SUDS3: variants seen among roughly 807,000 people sequenced by gnomAD.
SUDS3 encodes sin3 histone deacetylase corepressor complex component SDS3.
In SUDS3, 23 loss-of-function variants were observed where a neutral mutation model predicts 53.5. The observed-to-expected ratio is 0.43, with a 90% confidence interval of 0.31 to 0.61. SUDS3 has a LOEUF of 0.61. SUDS3 is among the 20% of genes least tolerant of loss of function. The pLI, the probability that SUDS3 is intolerant of heterozygous loss-of-function variation, is 0.10. For synonymous variants in SUDS3, 150 were observed against 148.5 expected (o/e 1.01, Z -0.08); for missense variants, 291 against 405.9 (o/e 0.72, Z 2.43).
intron 11 of SUDS3, 149 bp from the exon 12 acceptor site, chr12:118,414,186 T>C: frequency 3.3e-6 from 2 of 611,268 alleles, no homozygotes; most frequent in East Asian, 6.1e-5. Context: ...GGGGTGCTTA[T>C]GAAGCCCTCA....
rs1051828436 is a variant in SUDS3 at position 118,395,839 on chromosome 12, G to A, written c.517+4557G>A. On this transcript the variant is annotated intron_variant, in intron 6 of 11. Coordinates refer to ENST00000543473, the MANE Select transcript of SUDS3 (RefSeq NM_022491.3). Reference sequence around the variant, plus strand: ...CCCGAGTAGCTGGGACTACAGGTGCGTGCCACCATGCCTGACTAATTTTTA... The same window carrying A: ...CCCGAGTAGCTGGGACTACAGGTGCATGCCACCATGCCTGACTAATTTTTA... Among the ~76,000 whole-genome samples the A allele has an allele frequency of 4.6e-5, 7 of 151,844 alleles. No individual in the cohort carries two copies. In the East Asian group the frequency reaches 9.8e-4, roughly 21 times the overall value.
intron 1 of SUDS3, among the ~76,000 whole-genome samples, chr12:118,379,785 C>T (rs968622081): frequency 6.6e-6 from 1 of 152,180 alleles, no homozygotes; most frequent in Non-Finnish European, 1.5e-5. Context: ...GCCTGAGACA[C>T]CCTATTCTGT....
intron 1 of SUDS3, among the ~76,000 whole-genome samples, chr12:118,379,653 T>C (rs1387788481): frequency 6.6e-6 from 1 of 152,214 alleles, no homozygotes; most frequent in Non-Finnish European, 1.5e-5. Flanking sequence ...ACTAGTTTTT[T>C]TCTGGAGCAG....
intron 11 of SUDS3, among the ~76,000 whole-genome samples, chr12:118,413,001 G>C (rs1398586848): frequency 6.6e-6 from 1 of 152,186 alleles, no homozygotes; most frequent in Non-Finnish European, 1.5e-5. Context: ...ACTCCAAGCA[G>C]GTTTGGTGGG....
intron 3 of SUDS3, among the ~76,000 whole-genome samples, chr12:118,384,798 C>G (rs778029981): frequency 4.6e-5 from 7 of 150,806 alleles, no homozygotes; most frequent in African/African-American, 7.3e-5. Flanking sequence ...TGCCACTGCA[C>G]TCCAGCATGG....
At chr12:118,405,100 C>T (rs1378920320) in intron 10 of SUDS3, among the ~76,000 whole-genome samples, 3 of 152,144 alleles carry the variant, frequency 2.0e-5, no homozygotes, top group Non-Finnish European at 2.9e-5. Flanking sequence ...CAGAACACAT[C>T]GCCACTAGGT....
intron 10 of SUDS3, among the ~76,000 whole-genome samples, chr12:118,408,089 C>T (rs566234188): frequency 2.0e-5 from 3 of 152,126 alleles, no homozygotes; most frequent in Non-Finnish European, 2.9e-5. Context: ...TTAGTACAGA[C>T]GGGGTTTCAC....
Position 118,376,596 on chromosome 12 carries a change from T to G in SUDS3, c.-96T>G. The stretch of plus-strand genomic sequence containing the variant: ...TCGCCGTGGCTGCCGGTCCTCGAGT[T>G]GGGGGCTGCCGCGGACACTGCTAGG... On this transcript the variant is annotated 5_prime_UTR_variant, in exon 1 of 12. Transcript: ENST00000543473. 2 of 1,250,986 alleles carry G rather than the reference T, an allele frequency of 1.6e-6. No homozygotes were observed. The highest frequency in any genetic ancestry group is 2.0e-6 in the Non-Finnish European group (2 of 995,722). The allele number at this position is 1,250,986 out of a possible 1,614,324, so 77.5% of individuals were successfully genotyped here.
intron 6 of SUDS3, among the ~76,000 whole-genome samples, chr12:118,394,253 G>C (rs1460747598): frequency 6.6e-6 from 1 of 152,156 alleles, no homozygotes; most frequent in Non-Finnish European, 1.5e-5. Context: ...ATGAGATAAT[G>C]CCTATAAGTT....
intron 2 of SUDS3, among the ~76,000 whole-genome samples, chr12:118,381,409 G>A (rs1016945607): frequency 1.3e-5 from 2 of 151,538 alleles, no homozygotes; most frequent in South Asian, 2.1e-4. Flanking sequence ...TGGAGATGGA[G>A]TGTCGCTTTG....
chr12:118,382,139 G>A (rs1286542452), intron 2 of SUDS3, among the ~76,000 whole-genome samples: 2 of 151,690 alleles, frequency 1.3e-5, no homozygotes, highest in Non-Finnish European at 2.9e-5. Context: ...TCCTGAGTTC[G>A]AGTGATTGTC....
intron 3 of SUDS3, among the ~76,000 whole-genome samples, chr12:118,384,634 A>G (rs889571203): frequency 5.3e-5 from 8 of 152,034 alleles, no homozygotes; most frequent in African/African-American, 1.7e-4. Flanking sequence ...AGATCGAGAC[A>G]ATCTTGGCTA....
At chr12:118,392,383 C>T (rs999594783) in intron 6 of SUDS3, among the ~76,000 whole-genome samples, 10 of 152,288 alleles carry the variant, frequency 6.6e-5, no homozygotes, top group African/African-American at 2.2e-4. Flanking sequence ...TGGCTCCAAT[C>T]CTCATGATAC....
chr12:118,384,591 G>A (rs1192202097), intron 3 of SUDS3, among the ~76,000 whole-genome samples: 2 of 152,178 alleles, frequency 1.3e-5, no homozygotes, highest in Non-Finnish European at 2.9e-5. Context: ...CCAGCACTTT[G>A]CGAGGCCGAG....
At chr12:118,391,566 T>C (rs1461236628) in intron 6 of SUDS3, among the ~76,000 whole-genome samples, 2 of 152,232 alleles carry the variant, frequency 1.3e-5, no homozygotes, top group Admixed American at 6.5e-5. Flanking sequence ...ATAACAGATG[T>C]TCAATAGTTG....
intron 4 of SUDS3, among the ~76,000 whole-genome samples, chr12:118,389,507 G>A (rs1451307412): frequency 2.0e-5 from 3 of 151,456 alleles, no homozygotes; most frequent in South Asian, 2.1e-4. Flanking sequence ...TATGTTCAGG[G>A]CCACATTTTT....
At position 118,411,138 on chromosome 12, in the gene SUDS3, G is replaced by A. The variant is rs1475869831; in HGVS notation, c.869G>A (p.Ser290Asn). 1 of 1,597,404 alleles carries A rather than the reference G, an allele frequency of 6.3e-7. No homozygotes were observed. The stretch of plus-strand genomic sequence containing the variant: ...AACCAGAAACTGAGCTGCGTGATCA[G>A]TTCTGTAGGAGCCAATGAGGTGGGA... ...KDNQKLSCVI[S>N]SVGANEIWVR... The change falls in exon 11 of 12, where the codon AGT (serine) becomes AAT (asparagine). Residue 290 changes from serine (S) to asparagine (N), a missense_variant. Around this residue, in one of 4 missense-constraint regions of SUDS3, gnomAD observed 77 missense variants for 87.1 expected, o/e 0.88. Coordinates refer to ENST00000543473, the MANE Select transcript of SUDS3 (RefSeq NM_022491.3).
intron 6 of SUDS3, among the ~76,000 whole-genome samples, chr12:118,399,831 G>A (rs1048750857): frequency 2.0e-5 from 3 of 152,206 alleles, no homozygotes; most frequent in African/African-American, 7.2e-5. Context: ...GTGGGGCATG[G>A]AGAATGTGTG....
rs148936041 is a variant in SUDS3, at chr12:118,398,321, C to A, written c.518-2338C>A. ...ACAAACCTGTGTTAGGTCACACAGCCGTTGCAGGGATTCAAACGCACGTTT... is the reference window on the plus strand; with the variant it reads ...ACAAACCTGTGTTAGGTCACACAGCAGTTGCAGGGATTCAAACGCACGTTT... On this transcript the variant is annotated intron_variant, in intron 6 of 11. Coordinates refer to ENST00000543473, the MANE Select transcript of SUDS3 (RefSeq NM_022491.3). 6.2e-3 allele frequency among the ~76,000 whole-genome samples: 946 copies of A among 152,206 alleles called. 15 individuals are homozygous for A. Among genetic ancestry groups the A allele is most frequent in the African/African-American group, 0.022 (909 of 41,516 alleles).
Sources: allele counts gnomAD v4.1 joint callset (sites outside exome capture counted in the v4.1 genomes callset), GRCh38; gene constraint gnomAD v4.1.1; regional missense constraint gnomAD v4.1.1; transcripts MANE v1.5; gene names NCBI Gene and HGNC (gene_info 2026-07-23, HGNC 2026-07-21).